POU3F3: variants seen among roughly 807,000 people sequenced by gnomAD.
POU3F3 encodes POU domain, class 3, transcription factor 3.
POU3F3 carries 1 observed loss-of-function variant against 8.6 expected under a neutral mutation model. The observed-to-expected ratio is 0.12, with a 90% CI of 0.04 to 0.55. The LOEUF (loss-of-function observed/expected upper bound fraction) is 0.55, where lower values mean the gene tolerates loss of function less well. POU3F3 is among the 20% of genes least tolerant of loss of function. The pLI, the probability that POU3F3 is intolerant of heterozygous loss-of-function variation, is 0.91. For synonymous variants in POU3F3, 418 were observed against 327.4 expected, an observed-to-expected ratio of 1.28 and a Z score of -2.99; for missense variants, 577 against 690.7, an observed-to-expected ratio of 0.84 and a Z score of 1.84.
the POU3F3 span, among the ~76,000 whole-genome samples, chr2:104,865,011 A>C: frequency 6.6e-6 from 1 of 152,214 alleles, no homozygotes; most frequent in African/African-American, 2.4e-5. Context: ...ATCTACCAAA[A>C]TTGTATCTGT....
chr2:104,893,526 C>T, the POU3F3 span, among the ~76,000 whole-genome samples: 6 of 152,216 alleles, frequency 3.9e-5, no homozygotes, highest in Non-Finnish European at 8.8e-5. Context: ...ACTATCTATA[C>T]GGATGCTGCA....
the POU3F3 span, among the ~76,000 whole-genome samples, chr2:104,915,634 C>T: frequency 6.6e-6 from 1 of 152,024 alleles, no homozygotes; most frequent in Non-Finnish European, 1.5e-5. Context: ...GCCAAAACTA[C>T]TCCAGTTCCT....
the POU3F3 span, among the ~76,000 whole-genome samples, chr2:104,900,138 GAC>G: frequency 6.6e-6 from 1 of 152,208 alleles, no homozygotes; most frequent in Non-Finnish European, 1.5e-5. Context: ...AGTTTCTAGT[GAC>G]TCTAGGATGG....
chr2:104,884,410 C>G, the POU3F3 span, among the ~76,000 whole-genome samples: 17 of 152,256 alleles, frequency 1.1e-4, no homozygotes, highest in African/African-American at 4.1e-4. Flanking sequence ...GGGCTCACAT[C>G]GACACCGCAG....
chr2:104,891,859 T>C, the POU3F3 span, among the ~76,000 whole-genome samples: 49,702 of 152,122 alleles, frequency 0.33, 8,371 homozygotes, highest in Non-Finnish European at 0.38. Flanking sequence ...CAGCTGTTTC[T>C]AAATATACAA....
the POU3F3 span, among the ~76,000 whole-genome samples, chr2:104,864,948 G>A: frequency 5.9e-5 from 9 of 152,324 alleles, no homozygotes; most frequent in Admixed American, 1.3e-4. Context: ...GTCTGTGTGC[G>A]CGCACATGCG....
the POU3F3 span, among the ~76,000 whole-genome samples, chr2:104,890,100 A>C: frequency 2.0e-5 from 3 of 152,144 alleles, no homozygotes; most frequent in African/African-American, 7.2e-5. Flanking sequence ...TCAGGTCCCA[A>C]GCGAGATAGC....
At chr2:104,879,569 G>A in the POU3F3 span, among the ~76,000 whole-genome samples, 1 of 152,184 alleles carries the variant, frequency 6.6e-6, no homozygotes, top group African/African-American at 2.4e-5. Flanking sequence ...GGGCTGGGGT[G>A]TGTAAAGGTG....
chr2:104,856,527 G>A lies in POU3F3; in HGVS notation c.1017G>A (p.Thr339=). 2 of 1,614,076 alleles carry A rather than the reference G, an allele frequency of 1.2e-6. No individual in the cohort carries two copies. The highest frequency in any genetic ancestry group is 1.3e-5 in the African/African-American group (1 of 75,060). ...AGCGGCGCATCAAGCTGGGCTTCAC[G>A]CAGGCCGACGTGGGGTTGGCGCTGG... ...FKQRRIKLGF[T]QADVGLALGT... is the part of the protein sequence containing the mutation. The change falls in exon 1 of 1, where the codon ACG becomes ACA. Residue 339 remains threonine, a synonymous_variant. Coordinates refer to ENST00000361360, the MANE Select transcript of POU3F3 (RefSeq NM_006236.3).
downstream of POU3F3, among the ~76,000 whole-genome samples, chr2:104,859,415 G>A (rs1004000606): frequency 6.6e-6 from 1 of 152,160 alleles, no homozygotes; most frequent in Non-Finnish European, 1.5e-5. Flanking sequence ...TACTTAAGAC[G>A]CTAAAGGCTC....
At chr2:104,924,083 C>A in the POU3F3 span, among the ~76,000 whole-genome samples, 4 of 152,090 alleles carry the variant, frequency 2.6e-5, no homozygotes, top group African/African-American at 7.2e-5. Context: ...GATAATTGCA[C>A]AACATAAATG....
the POU3F3 span, among the ~76,000 whole-genome samples, chr2:104,911,552 C>T: frequency 6.6e-6 from 1 of 151,840 alleles, no homozygotes; most frequent in Non-Finnish European, 1.5e-5. Flanking sequence ...GTGGTGGGAA[C>T]CATGTCCTGA....
At chr2:104,912,600 T>C in the POU3F3 span, among the ~76,000 whole-genome samples, 4,083 of 152,352 alleles carry the variant, frequency 0.027, 88 homozygotes, top group East Asian at 0.077. Context: ...AGACTCAAGA[T>C]GTGTACTTTA....
downstream of POU3F3, among the ~76,000 whole-genome samples, chr2:104,860,463 A>G (rs1369790040): frequency 2.6e-5 from 4 of 152,184 alleles, no homozygotes; most frequent in Non-Finnish European, 2.9e-5. Flanking sequence ...GAATTTGGTC[A>G]TTGTGTTCCT....
the POU3F3 span, among the ~76,000 whole-genome samples, chr2:104,902,146 C>A: frequency 6.6e-6 from 1 of 152,120 alleles, no homozygotes; most frequent in East Asian, 1.9e-4. Flanking sequence ...TCTCTCATCA[C>A]TCCCTATTAC....
At position 104,855,883 on chromosome 2, in the gene POU3F3, A is replaced by C. The variant is rs1676552628; in HGVS notation, c.373A>C (p.Ser125Arg). ...AVEASSPWSG[S>R]AVGMAGSPQQ... The stretch of plus-strand genomic sequence containing the variant: ...GGAGGCGAGCTCGCCGTGGTCGGGC[A>C]GCGCCGTGGGCATGGCTGGCAGCCC... Residue 125 changes from serine to arginine, a missense_variant, in exon 1 of 1, where the codon AGC becomes CGC. Physicochemically the swap from Ser to Arg is moderately radical, Grantham distance 110. Around this residue, in one of 7 missense-constraint regions of POU3F3, gnomAD observed 484 missense variants for 422.6 expected, o/e 1.15. Coordinates refer to ENST00000361360, the MANE Select transcript of POU3F3 (RefSeq NM_006236.3). 3 of 1,049,058 alleles carry C rather than the reference A, an allele frequency of 2.9e-6. No individual in the cohort carries two copies. The highest frequency in any genetic ancestry group is 8.4e-5 in the East Asian group (1 of 11,936). The allele number at this position is 1,049,058 out of a possible 1,614,324, so 65.0% of individuals were successfully genotyped here.
Position 104,855,687 on chromosome 2 carries a change from C to A in POU3F3, c.177C>A (p.Thr59=). The A allele has an allele frequency of 1.7e-6, 2 of 1,195,784 alleles. No individual in the cohort carries two copies. Among genetic ancestry groups the A allele is most frequent in the South Asian group, 1.7e-5 (1 of 59,340 alleles). The allele number at this position is 1,195,784 out of a possible 1,614,324, so 74.1% of individuals were successfully genotyped here. A position where few individuals can be genotyped will look rare whatever the true frequency, so the allele number is the denominator to read the frequency against. The part of the protein sequence containing the change: ...GGMQPGSAAV[T]SGAYRGDPSS... ...TGCAGCCGGGCAGCGCCGCCGTGAC[C>A]TCGGGCGCCTACCGGGGGGACCCGT... Residue 59 remains threonine (T), a synonymous_variant, in exon 1 of 1, where the codon ACC becomes ACA. Coordinates refer to ENST00000361360, the MANE Select transcript of POU3F3 (RefSeq NM_006236.3).
chr2:104,924,371 C>T, the POU3F3 span, among the ~76,000 whole-genome samples: 12 of 152,176 alleles, frequency 7.9e-5, no homozygotes, highest in Admixed American at 7.2e-4. Context: ...ATTTTGACTG[C>T]TATGCAGAAT....
the POU3F3 span, among the ~76,000 whole-genome samples, chr2:104,873,402 C>T: frequency 6.6e-6 from 1 of 152,176 alleles, no homozygotes; most frequent in Admixed American, 6.5e-5. Flanking sequence ...GAAGAAAGTT[C>T]TCCGCCGGCC....
Sources: gnomAD v4.1 joint callset for allele counts (sites outside exome capture counted in the v4.1 genomes callset) on GRCh38, gnomAD v4.1.1 for gene constraint, gnomAD v4.1.1 regional missense constraint, MANE v1.5 for transcripts, NCBI Gene and HGNC (gene_info 2026-07-23, HGNC 2026-07-21) for gene names.